The following CRYL1 variants were observed in gnomAD, a reference collection of about 807,000 sequenced individuals.
CRYL1 encodes the protein lambda-crystallin homolog.
A neutral mutation model predicts 36.6 loss-of-function variants in CRYL1; 29 were observed. The ratio of observed to expected loss-of-function variants is 0.79; its 90% CI spans 0.59 to 1.08. The LOEUF (loss-of-function observed/expected upper bound fraction) is 1.08, where lower values mean the gene tolerates loss of function less well. Ranked by LOEUF, CRYL1 falls within the 50% of genes least tolerant of loss-of-function variation. CRYL1 has a pLI of 0.00. For missense variants in CRYL1, 411 were observed against 407.9 expected (o/e 1.01, Z -0.06); for synonymous variants, 152 against 151.5 (o/e 1.00, Z -0.02).
intron 2 of CRYL1, among the ~76,000 whole-genome samples, chr13:20,491,747 T>C (rs2033517101): frequency 6.6e-6 from 1 of 152,192 alleles, no homozygotes; most frequent in Non-Finnish European, 1.5e-5. Context: ...GCCATGATTG[T>C]GCCACTGTAC....
At chr13:20,443,613 G>A (rs552473341) in intron 3 of CRYL1, among the ~76,000 whole-genome samples, 29 of 152,072 alleles carry the variant, frequency 1.9e-4, no homozygotes, top group African/African-American at 6.3e-4. Context: ...AGCTAGTCTC[G>A]AACTCCTGAC....
intron 2 of CRYL1, among the ~76,000 whole-genome samples, chr13:20,504,618 TCTTA>T (rs1313033476): frequency 6.6e-6 from 1 of 152,180 alleles, no homozygotes; most frequent in Non-Finnish European, 1.5e-5. Context: ...CCTCTAAACT[TCTTA>T]CTTGAGACCT....
chr13:20,434,089 C>G (rs1359330029), intron 4 of CRYL1, among the ~76,000 whole-genome samples: 1 of 152,196 alleles, frequency 6.6e-6, no homozygotes, highest in East Asian at 1.9e-4. Context: ...CCCATGGTCC[C>G]CAACCCTGGC....
At chr13:20,430,622 T>C (rs1447387561) in intron 5 of CRYL1, 1 of 985,202 alleles carries the variant, frequency 1.0e-6, no homozygotes, top group Admixed American at 6.2e-5. Context: ...GGAGAGTTCT[T>C]TGTGTACACC....
chr13:20,494,288 C>T (rs573140560), intron 2 of CRYL1, among the ~76,000 whole-genome samples: 14 of 152,264 alleles, frequency 9.2e-5, no homozygotes, highest in Admixed American at 5.2e-4. Flanking sequence ...TTTAATACTG[C>T]GCCCATTGCT....
intron 3 of CRYL1, among the ~76,000 whole-genome samples, chr13:20,452,920 C>T (rs2032600648): frequency 6.6e-6 from 1 of 152,128 alleles, no homozygotes; most frequent in South Asian, 2.1e-4. Context: ...AATACAATTT[C>T]TAAAATGTTT....
chr13:20,466,621 C>T (rs555849217), intron 3 of CRYL1, among the ~76,000 whole-genome samples: 1 of 151,504 alleles, frequency 6.6e-6, no homozygotes, highest in African/African-American at 2.4e-5. Flanking sequence ...CTGGCACAAA[C>T]TTAACTGTCT....
intron 3 of CRYL1, among the ~76,000 whole-genome samples, chr13:20,482,248 T>C (rs747882115): frequency 1.3e-5 from 2 of 152,198 alleles, no homozygotes; most frequent in Non-Finnish European, 2.9e-5. Flanking sequence ...ATAGACAATA[T>C]CCATTTAACT....
chr13:20,519,174 G>C (rs879465145), intron 1 of CRYL1, among the ~76,000 whole-genome samples: 15 of 151,730 alleles, frequency 9.9e-5, no homozygotes, highest in Non-Finnish European at 1.8e-4. Flanking sequence ...ATTCAGCCTT[G>C]GGACACTCCA....
At chr13:20,490,064 T>G (rs1039714197) in intron 2 of CRYL1, among the ~76,000 whole-genome samples, 9 of 152,202 alleles carry the variant, frequency 5.9e-5, no homozygotes, top group African/African-American at 1.9e-4. Flanking sequence ...TACTGTGTGA[T>G]TCCACCTAGA....
chr13:20,505,067 A>G (rs1232698013), intron 2 of CRYL1, among the ~76,000 whole-genome samples: 1 of 152,178 alleles, frequency 6.6e-6, no homozygotes, highest in Non-Finnish European at 1.5e-5. Flanking sequence ...AAAAAGAATC[A>G]GAATATGGCT....
Position 20,413,312 on chromosome 13 carries a change from G to T in CRYL1, c.709C>A (p.Pro237Thr). 1 of 1,613,362 alleles carries T rather than the reference G, an allele frequency of 6.2e-7. No homozygotes were observed. The highest frequency in any genetic ancestry group is 1.1e-5 in the South Asian group (1 of 91,046). ...GCATTGAGATGCATGGTTTCCAGGG[G>T]TCCAATGAATGCATACCGCATGCCC... is the stretch of plus-strand genomic sequence containing the variant. ...GLGMRYAFIGPLETMHLNAEG... is the reference protein window; with the variant it reads ...GLGMRYAFIGTLETMHLNAEG... Residue 237 changes from proline to threonine, a missense_variant, in exon 6 of 8, where the codon CCC becomes ACC. Transcript: ENST00000298248.
At chr13:20,456,605 A>AACAC (rs900472819) in intron 3 of CRYL1, among the ~76,000 whole-genome samples, 21 of 64,690 alleles carry the variant, frequency 3.2e-4, no homozygotes, top group Non-Finnish European at 5.2e-4. Flanking sequence ...CGATTCTTAA[A>AACAC]ACACACACAC....
chr13:20,427,382 C>G, intron 5 of CRYL1: 2 of 896,236 alleles, frequency 2.2e-6, no homozygotes, highest in Non-Finnish European at 2.7e-6. Context: ...CTTGGCTATC[C>G]GGGTGTCCAT....
intron 2 of CRYL1, among the ~76,000 whole-genome samples, chr13:20,503,102 A>G (rs564884243): frequency 6.6e-6 from 1 of 152,296 alleles, no homozygotes; most frequent in Admixed American, 6.5e-5. Flanking sequence ...CCCCAATACT[A>G]TGGATATATA....
In CRYL1 at chr13:20,415,680, G is replaced by C. The variant is rs1593429365; in HGVS notation, c.634-2293C>G. Among the ~76,000 whole-genome samples, 1 of 152,194 alleles carries C rather than the reference G, an allele frequency of 6.6e-6. No individual in the cohort carries two copies. The highest frequency in any genetic ancestry group is 6.5e-5 in the Admixed American group (1 of 15,280). Reference sequence around the variant, plus strand: ...TTTCCAGGAGAATTACAAAGCAAACGCTTGGCCTCGCCTGCCGCAGACTCC... The same window carrying C: ...TTTCCAGGAGAATTACAAAGCAAACCCTTGGCCTCGCCTGCCGCAGACTCC... On this transcript the variant is annotated intron_variant, in intron 5 of 7. Transcript: ENST00000298248. This position sits in a 1 kb window ranked among gnomAD's most constrained non-coding sequence, Gnocchi z 4.1.
At chr13:20,468,905 C>A (rs1281247651) in intron 3 of CRYL1, among the ~76,000 whole-genome samples, 8 of 152,052 alleles carry the variant, frequency 5.3e-5, no homozygotes, top group Non-Finnish European at 4.4e-5. Flanking sequence ...CCATGCCCAG[C>A]GCTCCCTTTA....
intron 5 of CRYL1, among the ~76,000 whole-genome samples, chr13:20,420,684 T>A: frequency 7.6e-6 from 1 of 131,478 alleles, no homozygotes; most frequent in Admixed American, 8.4e-5. Context: ...CCCTTTGACT[T>A]TTCTTTAAAA....
At position 20,424,822 on chromosome 13, in the gene CRYL1, C is replaced by T. The variant is rs370440207; in HGVS notation, c.633+7280G>A. ...GAAGAAAAGGCAGCGCTGAGATACA[C>T]GGAGCTCTGGAAGCCCCATCAGCGA... On this transcript the variant is annotated intron_variant, in intron 5 of 7. Transcript: ENST00000298248. Among the ~76,000 whole-genome samples the T allele has an allele frequency of 5.3e-5, 8 of 152,280 alleles. No individual in the cohort carries two copies. In the South Asian group the frequency reaches 6.2e-4, roughly 12 times the overall value.
Sources: allele counts gnomAD v4.1 joint callset (sites outside exome capture counted in the v4.1 genomes callset), GRCh38; gene constraint gnomAD v4.1.1; non-coding constraint Gnocchi (gnomAD v3.1); transcripts MANE v1.5; gene names NCBI Gene and HGNC (gene_info 2026-07-23, HGNC 2026-07-21).